MBD5: variants seen among roughly 807,000 people sequenced by gnomAD.
The protein encoded by MBD5 is methyl-CpG binding domain protein 5.
MBD5 carries 13 observed loss-of-function variants against 117.3 expected under a neutral mutation model. The observed-to-expected ratio is 0.11, with a 90% CI of 0.07 to 0.18. MBD5 has a LOEUF of 0.18. Ranked by LOEUF, MBD5 falls within the 10% of genes least tolerant of loss-of-function variation. MBD5 has a pLI of 1.00. For missense variants in MBD5, 1,879 were observed against 2,093.8 expected (o/e 0.90, Z 2.00); for synonymous variants, 727 against 766.4 (o/e 0.95, Z 0.85).
rs560914878 is a variant in MBD5, at chr2:148,446,070, C to T, written c.-556-12133C>T. On this transcript the variant is annotated intron_variant, in intron 4 of 13. Transcript: ENST00000642680. The stretch of plus-strand genomic sequence containing the variant: ...TGAGTAGGTTGCAAAAATTTTCTCC[C>T]ATTCTGTAGGTTGCCTGTTCACTCT... Among the ~76,000 whole-genome samples the T allele has an allele frequency of 4.2e-3, 629 of 150,862 alleles. 25 individuals are homozygous for T. Among genetic ancestry groups the T allele is most frequent in the African/African-American group, 0.015 (602 of 40,402 alleles).
intron 3 of MBD5, among the ~76,000 whole-genome samples, chr2:148,318,103 C>T (rs1559019946): frequency 1.3e-5 from 2 of 152,158 alleles, no homozygotes; most frequent in Non-Finnish European, 2.9e-5. Context: ...TTATCCCCAT[C>T]CTCTGCAACA....
At chr2:148,373,967 C>T (rs1025988041) in intron 4 of MBD5, among the ~76,000 whole-genome samples, 3 of 151,874 alleles carry the variant, frequency 2.0e-5, no homozygotes, top group African/African-American at 4.8e-5. Context: ...GAAACTTAGC[C>T]CAATATAAGG....
intron 4 of MBD5, among the ~76,000 whole-genome samples, chr2:148,429,011 A>G (rs938528475): frequency 6.6e-6 from 1 of 152,336 alleles, no homozygotes; most frequent in East Asian, 1.9e-4. Context: ...CAATTAAACT[A>G]AAAAGCTTCT....
intron 4 of MBD5, among the ~76,000 whole-genome samples, chr2:148,363,025 T>C (rs1559040231): frequency 6.6e-6 from 1 of 151,984 alleles, no homozygotes; most frequent in Non-Finnish European, 1.5e-5. Context: ...TCAATGAAGA[T>C]GAGGAAAAAA....
chr2:148,048,931 T>C (rs1318214306), intron 1 of MBD5, among the ~76,000 whole-genome samples: 1 of 152,168 alleles, frequency 6.6e-6, no homozygotes, highest in East Asian at 1.9e-4. Flanking sequence ...CCACTCTTCT[T>C]ACATGAATTC....
chr2:148,030,667 T>C (rs13012455), intron 1 of MBD5, among the ~76,000 whole-genome samples: 37,541 of 152,158 alleles, frequency 0.25, 5,791 homozygotes, highest in East Asian at 0.46. Context: ...GAATTCTTTT[T>C]ATTTAATCTT....
At chr2:148,397,476 C>A (rs982851480) in intron 4 of MBD5, among the ~76,000 whole-genome samples, 1 of 151,758 alleles carries the variant, frequency 6.6e-6, no homozygotes, top group African/African-American at 2.4e-5. Flanking sequence ...ACTACAGATG[C>A]CCGCCACCAC....
intron 1 of MBD5, among the ~76,000 whole-genome samples, chr2:148,033,861 T>C (rs906267079): frequency 1.3e-5 from 2 of 152,232 alleles, no homozygotes; most frequent in Non-Finnish European, 2.9e-5. Flanking sequence ...AATTTAGAGC[T>C]TATTTATTTG....
At chr2:148,333,137 C>T (rs1294425291) in intron 3 of MBD5, among the ~76,000 whole-genome samples, 2 of 152,072 alleles carry the variant, frequency 1.3e-5, no homozygotes, top group Non-Finnish European at 2.9e-5. Context: ...ATGTTAGAAA[C>T]ATTTTTTCAA....
At chr2:148,459,264 G>T (rs1706985158) in intron 5 of MBD5, among the ~76,000 whole-genome samples, 1 of 152,058 alleles carries the variant, frequency 6.6e-6, no homozygotes, top group African/African-American at 2.4e-5. Context: ...TCCATAGAAA[G>T]TTTCAATTAT....
chr2:148,482,252 TTAA>T (rs1210569308), intron 8 of MBD5, among the ~76,000 whole-genome samples: 4 of 152,070 alleles, frequency 2.6e-5, no homozygotes, highest in Admixed American at 2.6e-4. Context: ...CAAAGAAGTG[TTAA>T]TAAGAATAAT....
At chr2:148,418,244 T>A (rs1380493654) in intron 4 of MBD5, among the ~76,000 whole-genome samples, 1 of 152,192 alleles carries the variant, frequency 6.6e-6, no homozygotes, top group African/African-American at 2.4e-5. Flanking sequence ...CTGTGGGTTG[T>A]CTGTTTACTC....
chr2:148,223,222 GT>G, intron 2 of MBD5, among the ~76,000 whole-genome samples: 1 of 152,056 alleles, frequency 6.6e-6, no homozygotes. Flanking sequence ...CTGGCCTGTG[GT>G]TTTCTTTTTT....
intron 3 of MBD5, among the ~76,000 whole-genome samples, chr2:148,284,585 G>A (rs1311047626): frequency 6.6e-6 from 1 of 152,010 alleles, no homozygotes; most frequent in Non-Finnish European, 1.5e-5. Context: ...AGTGGGGGCT[G>A]GTCCCTATCT....
At chr2:148,446,462 G>A (rs1212076343) in intron 4 of MBD5, among the ~76,000 whole-genome samples, 2 of 152,044 alleles carry the variant, frequency 1.3e-5, no homozygotes, top group Non-Finnish European at 2.9e-5. Context: ...AATGGTGAGA[G>A]GACCCTGTGG....
At chr2:148,228,964 G>A (rs1054752772) in intron 2 of MBD5, among the ~76,000 whole-genome samples, 3 of 151,960 alleles carry the variant, frequency 2.0e-5, no homozygotes, top group African/African-American at 7.2e-5. Context: ...TATCCCCTTT[G>A]TCATTTTTTA....
intron 3 of MBD5, among the ~76,000 whole-genome samples, chr2:148,336,460 C>T (rs114264430): frequency 0.01 from 1,559 of 152,240 alleles, 13 homozygotes; most frequent in African/African-American, 0.034. Context: ...AATTCTGGCT[C>T]GCTGCAACCT....
At chr2:148,168,113 T>C (rs1698171804) in intron 1 of MBD5, among the ~76,000 whole-genome samples, 1 of 152,192 alleles carries the variant, frequency 6.6e-6, no homozygotes, top group Non-Finnish European at 1.5e-5. Flanking sequence ...CTCCTACAAG[T>C]TCTAGTTCTA....
intron 1 of MBD5, among the ~76,000 whole-genome samples, chr2:148,072,954 G>A (rs1441724075): frequency 1.3e-5 from 2 of 152,038 alleles, no homozygotes; most frequent in Non-Finnish European, 2.9e-5. Context: ...CTAAAGTTTA[G>A]CTTTTTAACA....
Sources: allele counts gnomAD v4.1 joint callset (sites outside exome capture counted in the v4.1 genomes callset), GRCh38; gene constraint gnomAD v4.1.1; transcripts MANE v1.5; gene names NCBI Gene and HGNC (gene_info 2026-07-23, HGNC 2026-07-21).